GALNTL6: variants seen among roughly 807,000 people sequenced by gnomAD.
The protein encoded by GALNTL6 is polypeptide N-acetylgalactosaminyltransferase like 6.
Under a neutral mutation model 73.7 loss-of-function variants are expected in GALNTL6, and 46 were observed. That is an observed-to-expected ratio of 0.62 (90% CI 0.49 to 0.80). GALNTL6 has a LOEUF of 0.80. Among genes scored for constraint, GALNTL6 ranks in the 30% least tolerant of loss-of-function variants. The pLI is 0.00. For missense variants in GALNTL6, 604 were observed against 755.0 expected, an observed-to-expected ratio of 0.80 and a Z score of 2.34; for synonymous variants, 259 against 263.7, an observed-to-expected ratio of 0.98 and a Z score of 0.17.
intron 7 of GALNTL6, among the ~76,000 whole-genome samples, chr4:172,817,807 T>C (rs571274148): frequency 4.6e-5 from 7 of 152,298 alleles, no homozygotes; most frequent in Admixed American, 2.0e-4. Flanking sequence ...TTAAAGTAAA[T>C]TTCCTACCTC....
chr4:172,053,800 C>CT (rs920462590), intron 2 of GALNTL6, among the ~76,000 whole-genome samples: 4 of 151,554 alleles, frequency 2.6e-5, no homozygotes, highest in African/African-American at 7.3e-5. Context: ...GAACATGGAC[C>CT]TTTTTTTTAC....
chr4:171,929,638 G>A (rs1738112312), intron 2 of GALNTL6, among the ~76,000 whole-genome samples: 1 of 152,184 alleles, frequency 6.6e-6, no homozygotes, highest in South Asian at 2.1e-4. Flanking sequence ...TCCTGGCTTG[G>A]CAGCCAATCT....
intron 5 of GALNTL6, among the ~76,000 whole-genome samples, chr4:172,512,777 T>C (rs1734469980): frequency 6.6e-6 from 1 of 152,200 alleles, no homozygotes; most frequent in Non-Finnish European, 1.5e-5. Context: ...TACCCCCATC[T>C]CTTCTAGCTT....
chr4:172,480,630 CA>C (rs2111480915), intron 5 of GALNTL6, among the ~76,000 whole-genome samples: 1 of 152,280 alleles, frequency 6.6e-6, no homozygotes, highest in Non-Finnish European at 1.5e-5. Context: ...TAAATCATGC[CA>C]AAATCCAGTG....
At chr4:172,718,764 A>G (rs1021986507) in intron 5 of GALNTL6, among the ~76,000 whole-genome samples, 1 of 152,062 alleles carries the variant, frequency 6.6e-6, no homozygotes, top group Admixed American at 6.5e-5. Flanking sequence ...CATCAGAATC[A>G]GAATCTCAGG....
intron 2 of GALNTL6, among the ~76,000 whole-genome samples, chr4:172,117,112 AC>A (rs1172950883): frequency 2.6e-5 from 4 of 152,208 alleles, no homozygotes; most frequent in Admixed American, 2.6e-4. Context: ...TAAATTTTTA[AC>A]TTTAAAGCAA....
At chr4:172,366,405 T>C (rs996733244) in intron 5 of GALNTL6, among the ~76,000 whole-genome samples, 2 of 152,144 alleles carry the variant, frequency 1.3e-5, no homozygotes, top group Admixed American at 1.3e-4. Flanking sequence ...CATTGTCATA[T>C]TTTTATTTGT....
intron 5 of GALNTL6, among the ~76,000 whole-genome samples, chr4:172,399,550 A>G (rs1449935677): frequency 2.0e-5 from 3 of 152,048 alleles, no homozygotes; most frequent in Non-Finnish European, 4.4e-5. Context: ...TCAAGAAATC[A>G]TTTTCAGGCC....
intron 2 of GALNTL6, among the ~76,000 whole-genome samples, chr4:172,072,414 C>A (rs1281926135): frequency 6.6e-6 from 1 of 152,040 alleles, no homozygotes; most frequent in Non-Finnish European, 1.5e-5. Flanking sequence ...AGTTTCATAT[C>A]TTCATATGCA....
At chr4:172,312,509 T>C (rs1740398261) in intron 4 of GALNTL6, among the ~76,000 whole-genome samples, 1 of 152,178 alleles carries the variant, frequency 6.6e-6, no homozygotes, top group Non-Finnish European at 1.5e-5. Flanking sequence ...TGTTGGCACA[T>C]GTATCTGATA....
chr4:171,947,543 G>A (rs1363145992), intron 2 of GALNTL6, among the ~76,000 whole-genome samples: 1 of 152,194 alleles, frequency 6.6e-6, no homozygotes, highest in Non-Finnish European at 1.5e-5. Context: ...TCACAACAGA[G>A]TGCTGACAGG....
intron 2 of GALNTL6, among the ~76,000 whole-genome samples, chr4:172,177,785 A>AGTG (rs1491090289): frequency 1.6e-5 from 1 of 63,998 alleles, no homozygotes; most frequent in Non-Finnish European, 4.1e-5. Context: ...ATATATACAC[A>AGTG]TGTGTATATA....
intron 5 of GALNTL6, among the ~76,000 whole-genome samples, chr4:172,455,714 C>A (rs1332246144): frequency 6.6e-6 from 1 of 152,144 alleles, no homozygotes; most frequent in Non-Finnish European, 1.5e-5. Flanking sequence ...CAGTCAGGGG[C>A]TTATTCCCAT....
chr4:172,456,660 T>C (rs1007500529), intron 5 of GALNTL6, among the ~76,000 whole-genome samples: 1 of 151,476 alleles, frequency 6.6e-6, no homozygotes, highest in Admixed American at 6.6e-5. Flanking sequence ...GAAAAAATAA[T>C]GAAAACGAAC....
At chr4:172,401,843 A>G (rs1744050180) in intron 5 of GALNTL6, among the ~76,000 whole-genome samples, 1 of 149,706 alleles carries the variant, frequency 6.7e-6, no homozygotes, top group African/African-American at 2.4e-5. Flanking sequence ...AATCCAGTGA[A>G]GAATATTCTT....
intron 5 of GALNTL6, among the ~76,000 whole-genome samples, chr4:172,767,522 G>T (rs1390597696): frequency 6.6e-6 from 1 of 151,950 alleles, no homozygotes; most frequent in Admixed American, 6.6e-5. Context: ...CCCTTAACTA[G>T]TGGAAAATCT....
chr4:172,413,088 G>T (rs767669930), intron 5 of GALNTL6, among the ~76,000 whole-genome samples: 26 of 152,144 alleles, frequency 1.7e-4, no homozygotes, highest in Non-Finnish European at 3.2e-4. Flanking sequence ...TCATTAGCCA[G>T]AAGTGAATCA....
intron 5 of GALNTL6, among the ~76,000 whole-genome samples, chr4:172,547,679 T>C (rs1735823334): frequency 6.6e-6 from 1 of 152,194 alleles, no homozygotes; most frequent in African/African-American, 2.4e-5. Context: ...CTGATCTCTT[T>C]ATGACATTTT....
intron 5 of GALNTL6, among the ~76,000 whole-genome samples, chr4:172,425,836 A>C (rs559133561): frequency 6.6e-6 from 1 of 152,252 alleles, no homozygotes; most frequent in African/African-American, 2.4e-5. Context: ...TTCTAGTATC[A>C]AACCATTCTA....
Sources: gnomAD v4.1 joint callset for allele counts (sites outside exome capture counted in the v4.1 genomes callset) on GRCh38, gnomAD v4.1.1 for gene constraint, MANE v1.5 for transcripts, NCBI Gene and HGNC (gene_info 2026-07-23, HGNC 2026-07-21) for gene names.